Variants in C9orf43 observed in about 807,000 individuals in gnomAD.
The protein encoded by C9orf43 is chromosome 9 open reading frame 43.
In C9orf43, 45 loss-of-function variants were observed where a neutral mutation model predicts 59.1. The observed-to-expected ratio is 0.76, with a 90% CI of 0.60 to 0.98. The LOEUF (loss-of-function observed/expected upper bound fraction) is 0.98, where lower values mean the gene tolerates loss of function less well. Ranked by LOEUF, C9orf43 falls within the 50% of genes least tolerant of loss-of-function variation. The probability of loss-of-function intolerance (pLI) is 0.00; values close to 1 mark genes in which losing one functional copy is unlikely to be tolerated. For missense variants in C9orf43, 533 were observed against 554.9 expected (o/e 0.96, Z 0.40); for synonymous variants, 203 against 196.8 (o/e 1.03, Z -0.26).
intron 1 of C9orf43, among the ~76,000 whole-genome samples, chr9:113,412,836 T>G (rs1043017092): frequency 1.3e-5 from 2 of 152,234 alleles, no homozygotes; most frequent in Non-Finnish European, 2.9e-5. Flanking sequence ...GAAAAGCTAA[T>G]GGCCTCTGAT....
At position 113,427,766 on chromosome 9, in the gene C9orf43, C is replaced by G. The variant is rs117285269; in HGVS notation, c.1031-381C>G. 4.7e-3 allele frequency among the ~76,000 whole-genome samples: 711 copies of G among 152,250 alleles called. 3 individuals carry two copies. The highest frequency in any genetic ancestry group is 0.02 in the Middle Eastern group (6 of 294). On this transcript the variant is annotated intron_variant, in intron 11 of 13. Coordinates refer to ENST00000374165, the MANE Select transcript of C9orf43 (RefSeq NM_001278629.2). ...GGACTAGTTGGGGAAGCAGCTGATG[C>G]AAAAGAAACATAAAACTAGAGGTTT...
At chr9:113,412,635 C>T (rs1828211981) in intron 1 of C9orf43, among the ~76,000 whole-genome samples, 2 of 152,210 alleles carry the variant, frequency 1.3e-5, no homozygotes, top group Non-Finnish European at 2.9e-5. Flanking sequence ...TCATTTAATG[C>T]TTCTGCAGTC....
In C9orf43 at chr9:113,425,002, C is replaced by A. The variant is rs753638688; in HGVS notation, c.808-17C>A. The A allele has an allele frequency of 9.3e-6, 15 of 1,605,678 alleles. No individual in the cohort carries two copies. The highest frequency in any genetic ancestry group is 1.3e-5 in the African/African-American group (1 of 74,798). Reference sequence around the variant, plus strand: ...GACCTGCAGTAGAGCTTTTCTTTTTCTTTTTTCTTTCTCCAGAGACCAGCA... The same window carrying A: ...GACCTGCAGTAGAGCTTTTCTTTTTATTTTTTCTTTCTCCAGAGACCAGCA... On this transcript the variant is annotated splice_polypyrimidine_tract_variant and intron_variant, in intron 8 of 13. Transcript: ENST00000374165.
intron 3 of C9orf43, among the ~76,000 whole-genome samples, chr9:113,416,851 A>G (rs1047682896): frequency 1.3e-5 from 2 of 152,154 alleles, no homozygotes; most frequent in African/African-American, 4.8e-5. Context: ...ATGCCTCCAG[A>G]CATTACCAGA....
intron 3 of C9orf43, among the ~76,000 whole-genome samples, chr9:113,415,707 G>C (rs1320124516): frequency 3.3e-5 from 5 of 151,818 alleles, no homozygotes; most frequent in Admixed American, 3.3e-4. Context: ...TACAATGTCT[G>C]TGTACCCAAT....
chr9:113,422,627 T>G (rs769972695), intron 6 of C9orf43, 42 bp downstream of exon 6: 1 of 1,607,018 alleles, frequency 6.2e-7, no homozygotes, highest in South Asian at 1.1e-5. Flanking sequence ...AATATTGCTA[T>G]GTAGAGTTTA....
At chr9:113,424,437 A>G in intron 8 of C9orf43, 121 bp downstream of exon 8, 1 of 1,077,066 alleles carries the variant, frequency 9.3e-7, no homozygotes, top group South Asian at 1.7e-5. Context: ...CTCTGAACCC[A>G]TGCCCCAGAG....
Position 113,423,349 on chromosome 9 carries a change from C to G in C9orf43, c.507C>G (p.Leu169=), listed in dbSNP as rs759293794. 5.6e-6 allele frequency: 9 copies of G among 1,613,904 alleles called. 1 individual carries two copies. In the Admixed American group the frequency reaches 6.7e-5, roughly 12 times the overall value. ...AGAAAAGCAAGTCATTTCTGGGTCT[C>G]TCTGGAAATCAGTCCGCAGGAACAC... ...SAVKSKSFLG[L]SGNQSAGTRV... Residue 169 remains leucine, a synonymous_variant, in exon 7 of 14, where the codon CTC becomes CTG. Coordinates refer to ENST00000374165, the MANE Select transcript of C9orf43 (RefSeq NM_001278629.2).
chr9:113,414,768 G>A (rs1312314683), intron 3 of C9orf43, among the ~76,000 whole-genome samples: 2 of 100,052 alleles, frequency 2.0e-5, no homozygotes, highest in Admixed American at 8.6e-5. Flanking sequence ...GGACTTTAAC[G>A]ATGAATTTTG....
Position 113,423,454 on chromosome 9 carries a change from T to C in C9orf43, c.612T>C (p.Pro204=). ...AACAATTCAGTTCAGATTTCCTACC[T>C]CTCTGGGCTCAATCCGAAGCGTTAC... is the stretch of plus-strand genomic sequence containing the variant. The part of the protein sequence containing the change: ...LSEQFSSDFL[P]LWAQSEALPQ... Residue 204 remains proline, a synonymous_variant, in exon 7 of 14, where the codon CCT becomes CCC. Coordinates refer to ENST00000374165, the MANE Select transcript of C9orf43 (RefSeq NM_001278629.2). 1 of 1,614,038 alleles carries C rather than the reference T, an allele frequency of 6.2e-7. No homozygotes were observed.
chr9:113,426,436 G>A (rs867823322), intron 11 of C9orf43, among the ~76,000 whole-genome samples: 2 of 152,178 alleles, frequency 1.3e-5, no homozygotes, highest in East Asian at 1.9e-4. Context: ...TTGGAGGATC[G>A]TTGTGCCCGT....
chr9:113,425,344 G>A lies in C9orf43; in HGVS notation c.866G>A (p.Gly289Asp), dbSNP rs780870570. The A allele has an allele frequency of 1.2e-6, 2 of 1,613,772 alleles. No homozygotes were observed. Among genetic ancestry groups the A allele is most frequent in the Admixed American group, 1.7e-5 (1 of 59,988 alleles). ...LKKLHNLKTE[G>D]YRKQQQRQQQ... is the part of the protein sequence containing the mutation. ...ATCAAGCTGGCTCTCTGGTCACCAG[G>A]TTACAGGAAACAGCAGCAGCGGCAG... The change falls in exon 10 of 14, where the codon GGT becomes GAT. Residue 289 changes from glycine to aspartate, a missense_variant and splice_region_variant. By Grantham distance (94) the Gly-to-Asp change is moderately conservative. Transcript: ENST00000374165.
chr9:113,428,752 G>T (rs1022323784), intron 12 of C9orf43, 148 bp from the exon 13 acceptor site: 6 of 674,542 alleles, frequency 8.9e-6, no homozygotes, highest in South Asian at 7.3e-5. Context: ...GGCAAAGAAC[G>T]TGTGGTAAAA....
intron 12 of C9orf43, among the ~76,000 whole-genome samples, 170 bp downstream of exon 12, chr9:113,428,393 T>C (rs1455992132): frequency 6.6e-6 from 1 of 152,212 alleles, no homozygotes; most frequent in Non-Finnish European, 1.5e-5. Flanking sequence ...GCTGAGGCTG[T>C]TGGCCAAGTT....
In C9orf43 at chr9:113,420,816, C is replaced by T. The variant is rs1463433205; in HGVS notation, c.346-287C>T. On this transcript the variant is annotated intron_variant, in intron 4 of 13. Coordinates refer to ENST00000374165, the MANE Select transcript of C9orf43 (RefSeq NM_001278629.2). Reference sequence around the variant, plus strand: ...TAAGTAATGTTCCTGTAGGTAAGCCCCAGGGCACCCTCATATGGGATTGGA... The same window carrying T: ...TAAGTAATGTTCCTGTAGGTAAGCCTCAGGGCACCCTCATATGGGATTGGA... 10 of 983,448 alleles carry T rather than the reference C, an allele frequency of 1.0e-5. No individual in the cohort carries two copies. In the African/African-American group the frequency reaches 1.7e-4, roughly 17 times the overall value. The allele number at this position is 983,448 out of a possible 1,614,324, so 60.9% of individuals were successfully genotyped here. A position where few individuals can be genotyped will look rare whatever the true frequency, so the allele number is the denominator to read the frequency against.
intron 3 of C9orf43, among the ~76,000 whole-genome samples, chr9:113,415,698 A>G (rs1828332588): frequency 6.6e-6 from 1 of 151,944 alleles, no homozygotes; most frequent in African/African-American, 2.4e-5. Flanking sequence ...TGAGTCTCCT[A>G]CAATGTCTGT....
intron 3 of C9orf43, among the ~76,000 whole-genome samples, chr9:113,416,927 C>T (rs879841494): frequency 6.6e-5 from 10 of 152,292 alleles, no homozygotes; most frequent in African/African-American, 9.6e-5. Context: ...CATCTAATTC[C>T]TTTTGGTCAT....
chr9:113,413,668 C>T (rs1828254519), intron 2 of C9orf43, 24 bp downstream of exon 2: 1 of 1,613,202 alleles, frequency 6.2e-7, no homozygotes, highest in Non-Finnish European at 8.5e-7. Context: ...CTTCTGTCCT[C>T]TCCCTCACGA....
Position 113,423,415 on chromosome 9 carries a change from A to G in C9orf43, c.573A>G (p.Pro191=), listed in dbSNP as rs1405492482. The stretch of plus-strand genomic sequence containing the variant: ...GGATGATCGTGCCTCCCCCAACCCC[A>G]GTGCAATTGTCTGAACAATTCAGTT... ...TPGMIVPPPT[P]VQLSEQFSSD... is the part of the protein sequence containing the mutation. Residue 191 remains proline (P), a synonymous_variant, in exon 7 of 14, where the codon CCA becomes CCG. Coordinates refer to ENST00000374165, the MANE Select transcript of C9orf43 (RefSeq NM_001278629.2). The G allele has an allele frequency of 6.2e-6, 10 of 1,613,988 alleles. No individual in the cohort carries two copies. The Admixed American group carries it at 1.2e-4, about 19-fold the overall frequency.
Sources: allele counts gnomAD v4.1 joint callset (sites outside exome capture counted in the v4.1 genomes callset), GRCh38; gene constraint gnomAD v4.1.1; transcripts MANE v1.5; gene names NCBI Gene and HGNC (gene_info 2026-07-23, HGNC 2026-07-21).